Variants in FSTL5 observed in about 807,000 individuals in gnomAD.
FSTL5 encodes follistatin-related protein 5.
Under a neutral mutation model 89.1 loss-of-function variants are expected in FSTL5, and 62 were observed. The ratio of observed to expected loss-of-function variants is 0.70; its 90% CI spans 0.57 to 0.86. The LOEUF is 0.86. Among genes scored for constraint, FSTL5 ranks in the 40% least tolerant of loss-of-function variants. The pLI is 0.00. For synonymous variants in FSTL5, 383 were observed against 346.2 expected, an observed-to-expected ratio of 1.11 and a Z score of -1.18; for missense variants, 1,057 against 1,001.6, an observed-to-expected ratio of 1.06 and a Z score of -0.75.
At chr4:161,422,611 T>A (rs1732030673) in intron 15 of FSTL5, among the ~76,000 whole-genome samples, 1 of 152,164 alleles carries the variant, frequency 6.6e-6, no homozygotes, top group Non-Finnish European at 1.5e-5. Flanking sequence ...CGCTGGACCT[T>A]AGGGCTGTAT....
chr4:162,041,022 G>A (rs2111224155), intron 2 of FSTL5, among the ~76,000 whole-genome samples: 1 of 152,050 alleles, frequency 6.6e-6, no homozygotes, highest in East Asian at 1.9e-4. Flanking sequence ...TAGTCAGGTG[G>A]AGGGATAGGC....
chr4:162,053,133 A>C (rs1738436134), intron 2 of FSTL5, among the ~76,000 whole-genome samples: 1 of 151,748 alleles, frequency 6.6e-6, no homozygotes, highest in Non-Finnish European at 1.5e-5. Flanking sequence ...GGAGATATAG[A>C]TTGATACACA....
intron 3 of FSTL5, among the ~76,000 whole-genome samples, chr4:162,016,516 A>G (rs556920280): frequency 1.3e-5 from 2 of 152,302 alleles, no homozygotes; most frequent in South Asian, 4.1e-4. Context: ...TAAGAAGTGG[A>G]GAAAATTTGA....
intron 3 of FSTL5, among the ~76,000 whole-genome samples, chr4:162,002,813 A>C (rs953199785): frequency 6.6e-6 from 1 of 151,054 alleles, no homozygotes. Flanking sequence ...TTCATGTATG[A>C]CTCTAATTTT....
intron 4 of FSTL5, among the ~76,000 whole-genome samples, chr4:161,851,257 C>T (rs1731539738): frequency 6.6e-6 from 1 of 152,142 alleles, no homozygotes; most frequent in Admixed American, 6.5e-5. Context: ...CCATCTTTCT[C>T]TTTTAATTGA....
intron 7 of FSTL5, among the ~76,000 whole-genome samples, chr4:161,653,089 A>G (rs1302721416): frequency 6.6e-6 from 1 of 152,174 alleles, no homozygotes; most frequent in East Asian, 1.9e-4. Flanking sequence ...ATTAGACAAC[A>G]TTCTTAGTGG....
At chr4:162,021,639 C>T (rs1737088555) in intron 3 of FSTL5, among the ~76,000 whole-genome samples, 2 of 152,184 alleles carry the variant, frequency 1.3e-5, no homozygotes, top group South Asian at 4.1e-4. Context: ...TCTACAGCAA[C>T]ATGGATGGAA....
chr4:162,044,990 A>G (rs1738117261), intron 2 of FSTL5, among the ~76,000 whole-genome samples: 1 of 152,172 alleles, frequency 6.6e-6, no homozygotes, highest in African/African-American at 2.4e-5. Context: ...TCAGAAATAA[A>G]GCTGCTTCAC....
chr4:161,904,239 C>G (rs1268350590), intron 4 of FSTL5, among the ~76,000 whole-genome samples: 1 of 151,858 alleles, frequency 6.6e-6, no homozygotes, highest in African/African-American at 2.4e-5. Context: ...GGACTTGGCC[C>G]TTAAGTATAA....
At chr4:161,716,765 G>T (rs1000454679) in intron 6 of FSTL5, among the ~76,000 whole-genome samples, 3 of 151,874 alleles carry the variant, frequency 2.0e-5, no homozygotes, top group East Asian at 1.9e-4. Flanking sequence ...GTATTTCATT[G>T]ACTCTTTTAT....
intron 4 of FSTL5, among the ~76,000 whole-genome samples, chr4:161,882,474 C>T (rs1276704832): frequency 6.6e-6 from 1 of 152,082 alleles, no homozygotes; most frequent in South Asian, 2.1e-4. Flanking sequence ...CCTCTCTTAA[C>T]TGAAAGATTT....
At chr4:162,018,078 T>G (rs991431126) in intron 3 of FSTL5, among the ~76,000 whole-genome samples, 29 of 152,094 alleles carry the variant, frequency 1.9e-4, no homozygotes, top group African/African-American at 6.3e-4. Context: ...CTCCGTGTAA[T>G]CAGACCCCAG....
intron 6 of FSTL5, among the ~76,000 whole-genome samples, chr4:161,708,016 T>C (rs1738641409): frequency 6.6e-6 from 1 of 152,054 alleles, no homozygotes; most frequent in Non-Finnish European, 1.5e-5. Flanking sequence ...AAGTTACAGA[T>C]TGTAGAACAT....
At chr4:161,497,437 G>A (rs1730122638) in intron 12 of FSTL5, among the ~76,000 whole-genome samples, 1 of 151,734 alleles carries the variant, frequency 6.6e-6, no homozygotes, top group Non-Finnish European at 1.5e-5. Flanking sequence ...CAAAATGTTG[G>A]TCACCTTAAA....
intron 6 of FSTL5, among the ~76,000 whole-genome samples, chr4:161,672,057 A>T (rs1332290163): frequency 1.3e-5 from 2 of 152,200 alleles, no homozygotes; most frequent in African/African-American, 4.8e-5. Flanking sequence ...ATTCAAATGT[A>T]TCTTTAACCA....
chr4:161,549,626 T>C (rs1001278676), intron 8 of FSTL5, among the ~76,000 whole-genome samples: 3 of 151,858 alleles, frequency 2.0e-5, no homozygotes, highest in Non-Finnish European at 4.4e-5. Context: ...TATGACTTGG[T>C]AAATAAAGAA....
At chr4:161,635,977 C>A (rs549077147) in intron 7 of FSTL5, among the ~76,000 whole-genome samples, 1 of 151,992 alleles carries the variant, frequency 6.6e-6, no homozygotes, top group Middle Eastern at 3.4e-3. Flanking sequence ...AAAAACAATC[C>A]TTTTTTCTGT....
At chr4:162,131,755 G>A (rs1452110427) in intron 1 of FSTL5, among the ~76,000 whole-genome samples, 1 of 152,206 alleles carries the variant, frequency 6.6e-6, no homozygotes, top group Non-Finnish European at 1.5e-5. Context: ...CAATGACACT[G>A]CTCGATGCTA....
intron 6 of FSTL5, among the ~76,000 whole-genome samples, chr4:161,745,069 TA>T (rs772118769): frequency 4.7e-5 from 7 of 150,324 alleles, no homozygotes; most frequent in African/African-American, 7.3e-5. Context: ...AATAAATAAA[TA>T]AAAAAAATAA....
Sources: gnomAD v4.1 joint callset for allele counts (sites outside exome capture counted in the v4.1 genomes callset) on GRCh38, gnomAD v4.1.1 for gene constraint, MANE v1.5 for transcripts, NCBI Gene and HGNC (gene_info 2026-07-23, HGNC 2026-07-21) for gene names.